The following NDUFA10 variants were observed in gnomAD, a reference collection of about 807,000 sequenced individuals.
NDUFA10 encodes NADH dehydrogenase [ubiquinone] 1 alpha subcomplex subunit 10, mitochondrial.
A neutral mutation model predicts 47.8 loss-of-function variants in NDUFA10; 40 were observed. That is an observed-to-expected ratio of 0.84 (90% CI 0.65 to 1.09). The LOEUF (loss-of-function observed/expected upper bound fraction) is 1.09, where lower values mean the gene tolerates loss of function less well. Among genes scored for constraint, NDUFA10 ranks in the 50% least tolerant of loss-of-function variants. The pLI is 0.00. For missense variants in NDUFA10, 413 were observed against 451.1 expected (o/e 0.92, Z 0.76); for synonymous variants, 183 against 172.2 (o/e 1.06, Z -0.49).
rs558134843 is a variant in NDUFA10, at chr2:240,022,306, C to T, written c.110G>A (p.Arg37His). The change falls in exon 2 of 10, where the codon CGC (arginine) becomes CAC (histidine). Residue 37 changes from arginine to histidine, a missense_variant. By Grantham distance (29) the Arg-to-His change is conservative. Transcript: ENST00000252711. ...AAGTAGGAAATGCCACATTCCATAG[C>T]GCAGTTTGCACTGCACACTGCTATG... is the stretch of plus-strand genomic sequence containing the variant. Reference protein sequence around the residue: ...GIHSSVQCKLRYGMWHFLLGD... With the variant: ...GIHSSVQCKLHYGMWHFLLGD... 14 of 1,613,894 alleles carry T rather than the reference C, an allele frequency of 8.7e-6. No homozygotes were observed. The highest frequency in any genetic ancestry group is 8.3e-5 in the Admixed American group (5 of 59,986).
chr2:239,922,461 C>G (rs1382452563), intron 4 of NDUFA10, among the ~76,000 whole-genome samples: 1 of 152,228 alleles, frequency 6.6e-6, no homozygotes, highest in Non-Finnish European at 1.5e-5. Context: ...CCTTCCATGA[C>G]AGGTACACAG....
chr2:239,966,786 G>A (rs989290174), intron 9 of NDUFA10, among the ~76,000 whole-genome samples: 4 of 152,096 alleles, frequency 2.6e-5, no homozygotes, highest in South Asian at 2.1e-4. Context: ...GGCCCTGGGC[G>A]GCTGGGGAAC....
intron 4 of NDUFA10, among the ~76,000 whole-genome samples, chr2:239,909,478 T>C (rs747681768): frequency 5.3e-5 from 8 of 152,064 alleles, no homozygotes; most frequent in Non-Finnish European, 1.2e-4. Flanking sequence ...CCAGGCGTGG[T>C]GGCATGTGCC....
At chr2:239,909,851 C>G (rs928902502) in intron 4 of NDUFA10, among the ~76,000 whole-genome samples, 1 of 151,732 alleles carries the variant, frequency 6.6e-6, no homozygotes, top group Non-Finnish European at 1.5e-5. Context: ...TGCAATCTAC[C>G]CATCCGACAA....
rs143353868 is a variant in NDUFA10 at position 239,959,920 on chromosome 2, C to T, written c.*1198G>A. On this transcript the variant is annotated 3_prime_UTR_variant, in exon 10 of 10. Coordinates refer to ENST00000252711, the MANE Select transcript of NDUFA10 (RefSeq NM_004544.4). ...ATCTTCTTCGCATGCTCCGCAGCAG[C>T]GAGGCCTGGTAGAGCTTCCGCGGGG... 259 of 985,494 alleles carry T rather than the reference C, an allele frequency of 2.6e-4. No individual in the cohort carries two copies. In the African/African-American group the frequency reaches 4.2e-3, roughly 16 times the overall value. The allele number at this position is 985,494 out of a possible 1,614,324, so 61.0% of individuals were successfully genotyped here.
At position 239,957,762 on chromosome 2, in the gene NDUFA10, A is replaced by G. The variant is rs1694699145; in HGVS notation, c.*3356T>C. The G allele has an allele frequency of 6.6e-6, 1 of 152,120 alleles. No homozygotes were observed. The highest frequency in any genetic ancestry group is 1.5e-5 in the Non-Finnish European group (1 of 68,044). 9.4% of individuals were successfully genotyped at this position (152,120 alleles called of 1,614,324 possible). Reference sequence around the variant, plus strand: ...CTTTTGGGGACAAGTCCATCACTGGAGCTCCCCGGCCTCCTGGAATTCAGG... The same window carrying G: ...CTTTTGGGGACAAGTCCATCACTGGGGCTCCCCGGCCTCCTGGAATTCAGG... On this transcript the variant is annotated 3_prime_UTR_variant, in exon 10 of 10. Coordinates refer to ENST00000252711, the MANE Select transcript of NDUFA10 (RefSeq NM_004544.4).
At chr2:239,982,326 A>T in intron 9 of NDUFA10, 3 of 1,437,216 alleles carry the variant, frequency 2.1e-6, no homozygotes, top group Non-Finnish European at 2.8e-6. Flanking sequence ...CAAAACCTGA[A>T]CTCTTTTCTA....
chr2:240,022,983 T>C (rs1054663668), intron 1 of NDUFA10, among the ~76,000 whole-genome samples: 1 of 152,168 alleles, frequency 6.6e-6, no homozygotes, highest in African/African-American at 2.4e-5. Context: ...ACTGCAGAAT[T>C]ACACACAAAA....
intron 4 of NDUFA10, among the ~76,000 whole-genome samples, chr2:239,901,974 A>G (rs1693559480): frequency 6.6e-6 from 1 of 152,116 alleles, no homozygotes; most frequent in Admixed American, 6.6e-5. Flanking sequence ...TGAATGAGGA[A>G]TTGCTTCTTG....
intron 4 of NDUFA10, among the ~76,000 whole-genome samples, chr2:239,918,189 C>A (rs1440328547): frequency 6.6e-6 from 1 of 152,186 alleles, no homozygotes; most frequent in South Asian, 2.1e-4. Context: ...CACAGATGGA[C>A]CATGCATGCT....
chr2:239,943,223 G>A (rs1694390457), intron 4 of NDUFA10: 1 of 154,432 alleles, frequency 6.5e-6, no homozygotes. Flanking sequence ...GCGGCCTGGG[G>A]CTCCGCTTGT....
chr2:239,933,836 T>C (rs1046056528), intron 4 of NDUFA10, among the ~76,000 whole-genome samples: 6 of 151,358 alleles, frequency 4.0e-5, no homozygotes, highest in Non-Finnish European at 5.9e-5. Context: ...GATTGGATCA[T>C]AGATTTGAAT....
At chr2:239,951,158 C>G (rs1694543609) in intron 4 of NDUFA10, among the ~76,000 whole-genome samples, 1 of 152,220 alleles carries the variant, frequency 6.6e-6, no homozygotes, top group Non-Finnish European at 1.5e-5. Context: ...CCCTTTCCAG[C>G]AAACATCTGA....
intron 9 of NDUFA10, among the ~76,000 whole-genome samples, chr2:239,978,660 C>T (rs1208329640): frequency 1.3e-5 from 2 of 152,232 alleles, no homozygotes. Context: ...TTCCCAGCAG[C>T]GACGCCAGTT....
intron 8 of NDUFA10, among the ~76,000 whole-genome samples, chr2:240,000,779 C>G (rs574289644): frequency 6.6e-6 from 1 of 152,204 alleles, no homozygotes; most frequent in African/African-American, 2.4e-5. Flanking sequence ...CGTCGTGTTA[C>G]AACTGCCAAC....
intron 4 of NDUFA10, among the ~76,000 whole-genome samples, chr2:239,901,895 G>C (rs1693557936): frequency 6.6e-6 from 1 of 152,148 alleles, no homozygotes; most frequent in Admixed American, 6.5e-5. Context: ...GAAATGACAA[G>C]GGAGCTAGAA....
chr2:239,964,731 C>A (rs1480164885), intron 9 of NDUFA10, among the ~76,000 whole-genome samples: 1 of 152,236 alleles, frequency 6.6e-6, no homozygotes, highest in Non-Finnish European at 1.5e-5. Context: ...CAGAACCACA[C>A]TCAAACACGA....
intron 7 of NDUFA10, among the ~76,000 whole-genome samples, chr2:240,005,738 G>A (rs557792325): frequency 6.6e-6 from 1 of 152,324 alleles, no homozygotes; most frequent in African/African-American, 2.4e-5. Flanking sequence ...TGGAAGTGAA[G>A]CTGGCTGACC....
intron 4 of NDUFA10, among the ~76,000 whole-genome samples, chr2:239,937,491 A>C (rs147559577): frequency 6.6e-6 from 1 of 152,224 alleles, no homozygotes; most frequent in African/African-American, 2.4e-5. Context: ...GGCTGTTGTC[A>C]AGGTTCATGT....
Sources: allele counts gnomAD v4.1 joint callset (sites outside exome capture counted in the v4.1 genomes callset), GRCh38; gene constraint gnomAD v4.1.1; transcripts MANE v1.5; gene names NCBI Gene and HGNC (gene_info 2026-07-23, HGNC 2026-07-21).